Variants in EDNRB observed in about 807,000 individuals in gnomAD.
EDNRB encodes the protein Hirschsprung disease 2.
EDNRB carries 18 observed loss-of-function variants against 46.4 expected under a neutral mutation model. That is an observed-to-expected ratio of 0.39 (90% CI 0.27 to 0.57). The LOEUF (loss-of-function observed/expected upper bound fraction) is 0.57. EDNRB is among the 20% of genes least tolerant of loss of function. EDNRB has a pLI of 0.61. For synonymous variants in EDNRB, 213 were observed against 204.9 expected, an observed-to-expected ratio of 1.04 and a Z score of -0.34; for missense variants, 434 against 537.5, an observed-to-expected ratio of 0.81 and a Z score of 1.90.
chr13:77,951,409 G>C (rs1881084922), intron 1 of EDNRB, among the ~76,000 whole-genome samples: 1 of 152,174 alleles, frequency 6.6e-6, no homozygotes, highest in Non-Finnish European at 1.5e-5. Flanking sequence ...CTTATTGGCT[G>C]TAGCTGTTAA....
At position 77,936,702 on chromosome 13, in the gene EDNRB, T is replaced by C. The variant is rs572708652; in HGVS notation, c.-51-18078A>G. Among the ~76,000 whole-genome samples the C allele has an allele frequency of 5.0e-3, 769 of 152,334 alleles. 11 individuals carry two copies. Among genetic ancestry groups the C allele is most frequent in the African/African-American group, 0.017 (721 of 41,574 alleles). Reference sequence around the variant, plus strand: ...AACAGTCTGATTTTCAGTGGGGTCCTGCACAGATGGGACATGGCTTAGGAG... The same window carrying C: ...AACAGTCTGATTTTCAGTGGGGTCCCGCACAGATGGGACATGGCTTAGGAG... On this transcript the variant is annotated intron_variant, in intron 1 of 7. Transcript: ENST00000646948.
Position 77,918,338 on chromosome 13 carries a change from C to T in EDNRB, c.236G>A (p.Gly79Glu), listed in dbSNP as rs1280900661. 3.1e-6 allele frequency: 5 copies of T among 1,613,912 alleles called. No individual in the cohort carries two copies. The African/African-American group carries it at 5.3e-5, about 17-fold the overall frequency. The change falls in exon 1 of 7, where the codon GGA becomes GAA. Residue 79 changes from glycine (G) to glutamate (E), a missense_variant. Physicochemically the swap from Gly to Glu is moderately conservative, Grantham distance 98 (BLOSUM62 -2). Coordinates refer to ENST00000646607, the MANE Select transcript of EDNRB (RefSeq NM_001122659.3). This position sits in a 1 kb window ranked among gnomAD's most constrained non-coding sequence, Gnocchi z 4.5. Reference sequence around the variant, plus strand: ...AGGGGAGATGGTGCGTGGCGGAGATCCTGCCGTCCTGTCTCCTTTAGGCAC... The same window carrying T: ...AGGGGAGATGGTGCGTGGCGGAGATTCTGCCGTCCTGTCTCCTTTAGGCAC... Reference protein sequence around the residue: ...AEVPKGDRTAGSPPRTISPPP... With the variant: ...AEVPKGDRTAESPPRTISPPP...
chr13:77,951,978 G>T (rs999137302), intron 1 of EDNRB, among the ~76,000 whole-genome samples: 1 of 151,970 alleles, frequency 6.6e-6, no homozygotes, highest in African/African-American at 2.4e-5. Context: ...ATATGTTACC[G>T]GACAACCCTA....
At chr13:77,944,084 G>C (rs1046774373) in intron 1 of EDNRB, among the ~76,000 whole-genome samples, 1 of 152,006 alleles carries the variant, frequency 6.6e-6, no homozygotes, top group Non-Finnish European at 1.5e-5. Context: ...AAACATTCTG[G>C]AGGACAAATT....
At chr13:77,905,760 C>T (rs1879243141) in intron 1 of EDNRB, among the ~76,000 whole-genome samples, 1 of 151,904 alleles carries the variant, frequency 6.6e-6, no homozygotes, top group Non-Finnish European at 1.5e-5. Context: ...TAGGCAGAGG[C>T]AAGAGCATGT....
At chr13:77,927,551 G>A (rs1164359604) in intron 1 of EDNRB, among the ~76,000 whole-genome samples, 2 of 152,198 alleles carry the variant, frequency 1.3e-5, no homozygotes, top group Non-Finnish European at 1.5e-5. Context: ...TGATATAGGT[G>A]TATTCATATT....
intron 1 of EDNRB, among the ~76,000 whole-genome samples, chr13:77,951,226 C>T (rs1266962403): frequency 6.6e-6 from 1 of 151,848 alleles, no homozygotes; most frequent in African/African-American, 2.4e-5. Flanking sequence ...AGCCAGTCTG[C>T]CTGAATCTAA....
intron 1 of EDNRB, among the ~76,000 whole-genome samples, chr13:77,927,870 G>A (rs767408237): frequency 1.4e-4 from 21 of 152,276 alleles, no homozygotes; most frequent in South Asian, 2.1e-4. Context: ...CTGGTGTGAG[G>A]TAATTGAATC....
At chr13:77,950,233 A>G (rs1041685275) in intron 1 of EDNRB, among the ~76,000 whole-genome samples, 1 of 152,210 alleles carries the variant, frequency 6.6e-6, no homozygotes, top group African/African-American at 2.4e-5. Flanking sequence ...GCCAAATCAG[A>G]CATAGAAAAG....
chr13:77,932,129 G>C (rs1880426520), intron 1 of EDNRB, among the ~76,000 whole-genome samples: 1 of 152,040 alleles, frequency 6.6e-6, no homozygotes, highest in Admixed American at 6.6e-5. Flanking sequence ...GAGAAGTCTT[G>C]TCTTTTAGAC....
intron 1 of EDNRB, among the ~76,000 whole-genome samples, chr13:77,915,953 G>A (rs1010078572): frequency 6.6e-6 from 1 of 152,184 alleles, no homozygotes; most frequent in African/African-American, 2.4e-5. Flanking sequence ...GACCTCTTGG[G>A]GAGTCAGAAA....
At chr13:77,965,756 C>T (rs1881562618) in intron 1 of EDNRB, among the ~76,000 whole-genome samples, 1 of 151,930 alleles carries the variant, frequency 6.6e-6, no homozygotes, top group Non-Finnish European at 1.5e-5. Context: ...AAAGAAAATG[C>T]TAGAAGGGGA....
chr13:77,946,314 G>A (rs1224496736), intron 1 of EDNRB, among the ~76,000 whole-genome samples: 1 of 152,166 alleles, frequency 6.6e-6, no homozygotes, highest in African/African-American at 2.4e-5. Context: ...GGATGAGAGG[G>A]AAGGGGGGAA....
At chr13:77,950,039 T>C (rs1453705333) in intron 1 of EDNRB, among the ~76,000 whole-genome samples, 14 of 152,312 alleles carry the variant, frequency 9.2e-5, no homozygotes, top group African/African-American at 3.1e-4. Flanking sequence ...TGCAAGCCAA[T>C]ACCTCGTGTG....
At position 77,897,943 on chromosome 13, in the gene EDNRB, T is replaced by C. The variant is rs544302442; in HGVS notation, c.*257A>G. On this transcript the variant is annotated 3_prime_UTR_variant, in exon 7 of 7. Transcript: ENST00000646607. ...ATATCCTGGAAGTTGTTAAGAGCTA[T>C]GTTGAAGTGCTAACTGTAAAAAATT... The C allele has an allele frequency of 4.8e-6, 6 of 1,246,350 alleles. No homozygotes were observed. The Admixed American group carries it at 2.2e-4, about 46-fold the overall frequency. The allele number at this position is 1,246,350 out of a possible 1,614,324, so 77.2% of individuals were successfully genotyped here.
At chr13:77,920,751 T>C (rs1277309434), upstream of EDNRB, among the ~76,000 whole-genome samples, 1 of 152,224 alleles carries the variant, frequency 6.6e-6, no homozygotes, top group Non-Finnish European at 1.5e-5. Flanking sequence ...CCTCCCTGTC[T>C]CGTAAGAACG....
chr13:77,937,395 A>C (rs1566327352), intron 1 of EDNRB, among the ~76,000 whole-genome samples: 1 of 151,570 alleles, frequency 6.6e-6, no homozygotes, highest in Non-Finnish European at 1.5e-5. Flanking sequence ...TAGAGAAAAA[A>C]CTCTTTCTCT....
chr13:77,957,972 T>C (rs1268894983), intron 1 of EDNRB, among the ~76,000 whole-genome samples: 1 of 152,224 alleles, frequency 6.6e-6, no homozygotes, highest in Non-Finnish European at 1.5e-5. Context: ...TGTGACAAAT[T>C]CTTTTTAAAA....
chr13:77,911,888 G>T (rs866399392), intron 1 of EDNRB, among the ~76,000 whole-genome samples: 1 of 152,098 alleles, frequency 6.6e-6, no homozygotes, highest in Non-Finnish European at 1.5e-5. Flanking sequence ...ACTGTGCAAA[G>T]TCCTGAAAGA....
Sources: gnomAD v4.1 joint callset for allele counts (sites outside exome capture counted in the v4.1 genomes callset) on GRCh38, gnomAD v4.1.1 for gene constraint, Gnocchi (gnomAD v3.1) non-coding constraint, MANE v1.5 for transcripts, NCBI Gene and HGNC (gene_info 2026-07-23, HGNC 2026-07-21) for gene names.